Variants in LRMDA observed in about 807,000 individuals in gnomAD.
LRMDA encodes leucine rich melanocyte differentiation associated, also known as leucine-rich melanocyte differentiation-associated protein.
Under a neutral mutation model 29.8 loss-of-function variants are expected in LRMDA, and 18 were observed. The ratio of observed to expected loss-of-function variants is 0.60; its 90% CI spans 0.42 to 0.90. LRMDA has a LOEUF of 0.90. Among genes scored for constraint, LRMDA ranks in the 40% least tolerant of loss-of-function variants. The probability of loss-of-function intolerance (pLI) is 0.00; values close to 1 mark genes in which losing one functional copy is unlikely to be tolerated. For missense variants in LRMDA, 273 were observed against 273.9 expected, an observed-to-expected ratio of 1.00 and a Z score of 0.02; for synonymous variants, 125 against 109.4, an observed-to-expected ratio of 1.14 and a Z score of -0.89.
chr10:75,979,244 T>C lies in LRMDA; in HGVS notation c.132-56764T>C, dbSNP rs1315398316. Among the ~76,000 whole-genome samples, 5 of 152,174 alleles carry C rather than the reference T, an allele frequency of 3.3e-5. No homozygotes were observed. The East Asian group carries it at 9.6e-4, about 29-fold the overall frequency. On this transcript the variant is annotated intron_variant, in intron 2 of 6. Coordinates refer to ENST00000611255, the MANE Select transcript of LRMDA (RefSeq NM_001305581.2). ...ATAATAATGATTACAATAGATGACA[T>C]TTGAATAGAGCAGAAATTACAAGGG...
At chr10:76,477,972 C>T (rs1842694165) in intron 6 of LRMDA, among the ~76,000 whole-genome samples, 1 of 152,026 alleles carries the variant, frequency 6.6e-6, no homozygotes, top group Non-Finnish European at 1.5e-5. Flanking sequence ...TAGGCAATAC[C>T]ATTGAGGACA....
At chr10:75,970,262 C>T (rs1251156332) in intron 2 of LRMDA, among the ~76,000 whole-genome samples, 2 of 152,204 alleles carry the variant, frequency 1.3e-5, no homozygotes, top group Non-Finnish European at 2.9e-5. Context: ...TTGGGCCCAT[C>T]TCTTCTCCTG....
intron 2 of LRMDA, among the ~76,000 whole-genome samples, chr10:75,465,380 A>G (rs1224966066): frequency 6.6e-6 from 1 of 152,198 alleles, no homozygotes; most frequent in Non-Finnish European, 1.5e-5. Context: ...TCTTGTGTTT[A>G]TCCATACACA....
chr10:75,467,483 C>T (rs1301067040), intron 2 of LRMDA, among the ~76,000 whole-genome samples: 2 of 152,192 alleles, frequency 1.3e-5, no homozygotes, highest in African/African-American at 2.4e-5. Flanking sequence ...CCCTGCTCTT[C>T]TTTCTCTTCT....
chr10:75,723,972 C>T (rs755965071), intron 2 of LRMDA, among the ~76,000 whole-genome samples: 5 of 152,090 alleles, frequency 3.3e-5, no homozygotes, highest in East Asian at 1.9e-4. Context: ...CCTTGAGTAT[C>T]GGATTGTTTG....
intron 2 of LRMDA, among the ~76,000 whole-genome samples, chr10:75,798,106 T>C (rs1012294179): frequency 9.4e-5 from 14 of 148,920 alleles, no homozygotes; most frequent in African/African-American, 3.4e-4. Context: ...TGGCTACTCA[T>C]ATATCTTTTT....
At chr10:76,129,544 G>A (rs1849948264) in intron 5 of LRMDA, among the ~76,000 whole-genome samples, 1 of 152,178 alleles carries the variant, frequency 6.6e-6, no homozygotes, top group African/African-American at 2.4e-5. Context: ...TAGAGGATGT[G>A]CACATGGCTA....
intron 2 of LRMDA, among the ~76,000 whole-genome samples, chr10:75,725,009 AC>A (rs1252752723): frequency 2.0e-5 from 3 of 152,250 alleles, no homozygotes; most frequent in Non-Finnish European, 4.4e-5. Context: ...ATTTAGGGAC[AC>A]AATGTATTTG....
intron 2 of LRMDA, among the ~76,000 whole-genome samples, chr10:75,442,835 T>C (rs923805821): frequency 2.0e-5 from 3 of 152,090 alleles, no homozygotes; most frequent in Non-Finnish European, 4.4e-5. Flanking sequence ...TTGCTTTAGG[T>C]CATATGGGAT....
At chr10:76,147,563 G>C (rs1850352089) in intron 5 of LRMDA, among the ~76,000 whole-genome samples, 1 of 151,926 alleles carries the variant, frequency 6.6e-6, no homozygotes, top group South Asian at 2.1e-4. Context: ...TCTCTGCATT[G>C]GTTATTCTAG....
At chr10:75,542,278 C>G (rs1564796286) in intron 2 of LRMDA, among the ~76,000 whole-genome samples, 1 of 146,354 alleles carries the variant, frequency 6.8e-6, no homozygotes, top group African/African-American at 2.5e-5. Context: ...AAGCCTGAAA[C>G]TTTTTTTTTT....
chr10:76,171,210 G>T (rs760461536), intron 5 of LRMDA, among the ~76,000 whole-genome samples: 3 of 152,108 alleles, frequency 2.0e-5, no homozygotes, highest in East Asian at 1.9e-4. Flanking sequence ...ACACTATCTC[G>T]CTGCAACCTC....
At chr10:76,076,304 C>A (rs1263707953) in intron 5 of LRMDA, among the ~76,000 whole-genome samples, 2 of 145,540 alleles carry the variant, frequency 1.4e-5, no homozygotes, top group African/African-American at 2.6e-5. Flanking sequence ...GACCGCCATG[C>A]CACTGCACTC....
At chr10:76,022,767 TA>T (rs146428102) in intron 2 of LRMDA, among the ~76,000 whole-genome samples, 2,493 of 152,276 alleles carry the variant, frequency 0.016, 75 homozygotes, top group African/African-American at 0.057. Flanking sequence ...GGATGCTCAA[TA>T]AATATTTGCT....
chr10:76,205,917 G>A (rs1247295369), intron 5 of LRMDA, among the ~76,000 whole-genome samples: 1 of 152,116 alleles, frequency 6.6e-6, no homozygotes, highest in South Asian at 2.1e-4. Flanking sequence ...CAGAAATGCA[G>A]AATCGTTGAG....
chr10:76,111,648 T>C (rs1378545401), intron 5 of LRMDA, among the ~76,000 whole-genome samples: 1 of 152,268 alleles, frequency 6.6e-6, no homozygotes, highest in Non-Finnish European at 1.5e-5. Context: ...GAAGAGTTTG[T>C]ATAATTTAAC....
chr10:75,497,288 T>A (rs1016394070), intron 2 of LRMDA, among the ~76,000 whole-genome samples: 1 of 152,154 alleles, frequency 6.6e-6, no homozygotes, highest in Non-Finnish European at 1.5e-5. Flanking sequence ...AGTGGACACA[T>A]GGATATGCCC....
chr10:75,819,921 A>T (rs1380413350), intron 2 of LRMDA, among the ~76,000 whole-genome samples: 1 of 152,232 alleles, frequency 6.6e-6, no homozygotes, highest in Non-Finnish European at 1.5e-5. Flanking sequence ...AGAAAAAAGG[A>T]TGTAAAATAT....
At chr10:75,829,697 T>C (rs192287357) in intron 2 of LRMDA, among the ~76,000 whole-genome samples, 35 of 152,266 alleles carry the variant, frequency 2.3e-4, no homozygotes, top group Admixed American at 2.2e-3. Context: ...AGTCTATCTA[T>C]ACTTCCCCTG....
Sources: gnomAD v4.1 joint callset for allele counts (sites outside exome capture counted in the v4.1 genomes callset) on GRCh38, gnomAD v4.1.1 for gene constraint, MANE v1.5 for transcripts, NCBI Gene and HGNC (gene_info 2026-07-23, HGNC 2026-07-21) for gene names.